OPRM1: variants seen among roughly 807,000 people sequenced by gnomAD.
OPRM1 encodes opioid receptor mu 1, also known as mu-type opioid receptor.
OPRM1 carries 27 observed loss-of-function variants against 31.8 expected under a neutral mutation model. The ratio of observed to expected loss-of-function variants is 0.85; its 90% CI spans 0.63 to 1.17. OPRM1 has a LOEUF of 1.17. Ranked by LOEUF, OPRM1 falls within the 50% of genes most tolerant of loss-of-function variation. The pLI is 0.00. For synonymous variants in OPRM1, 196 were observed against 189.9 expected (o/e 1.03, Z -0.26); for missense variants, 536 against 511.1 (o/e 1.05, Z -0.47).
chr6:154,101,291 G>T (rs947728840), intron 3 of OPRM1, among the ~76,000 whole-genome samples: 2 of 151,946 alleles, frequency 1.3e-5, no homozygotes, highest in African/African-American at 4.8e-5. Context: ...ATTAGCTAAG[G>T]TGTTCTTATA....
intron 1 of OPRM1, among the ~76,000 whole-genome samples, chr6:154,075,405 T>G (rs1787652809): frequency 6.6e-6 from 1 of 152,028 alleles, no homozygotes; most frequent in African/African-American, 2.4e-5. Flanking sequence ...TTGTACCCTT[T>G]TCATAGAGAT....
chr6:154,184,689 A>G (rs2128572821), intron 3 of OPRM1, among the ~76,000 whole-genome samples: 1 of 152,140 alleles, frequency 6.6e-6, no homozygotes, highest in African/African-American at 2.4e-5. Flanking sequence ...TTTTTTTCGA[A>G]TGAATGAATG....
intron 3 of OPRM1, among the ~76,000 whole-genome samples, chr6:154,153,869 G>A (rs894199029): frequency 6.6e-6 from 1 of 152,146 alleles, no homozygotes; most frequent in African/African-American, 2.4e-5. Flanking sequence ...AACCTTCCTC[G>A]AACTGTGAGT....
At chr6:154,237,938 G>T (rs1780268540) in intron 3 of OPRM1, among the ~76,000 whole-genome samples, 1 of 152,062 alleles carries the variant, frequency 6.6e-6, no homozygotes, top group African/African-American at 2.4e-5. Flanking sequence ...AAGTTAGTGT[G>T]TGTGCACTTA....
At chr6:154,235,210 G>C (rs1456822729) in intron 3 of OPRM1, among the ~76,000 whole-genome samples, 1 of 152,134 alleles carries the variant, frequency 6.6e-6, no homozygotes, top group Non-Finnish European at 1.5e-5. Context: ...TTTAAAATCA[G>C]GTGCATTCTC....
intron 3 of OPRM1, among the ~76,000 whole-genome samples, chr6:154,179,903 T>C (rs1008055163): frequency 3.9e-5 from 6 of 152,164 alleles, no homozygotes; most frequent in African/African-American, 1.4e-4. Flanking sequence ...TGAGTTCATC[T>C]GGGATTGTGC....
chr6:154,172,895 C>T (rs532580613), intron 3 of OPRM1, among the ~76,000 whole-genome samples: 1 of 152,358 alleles, frequency 6.6e-6, no homozygotes, highest in South Asian at 2.1e-4. Context: ...TGACTGGAGC[C>T]TCACCTCCCA....
intron 3 of OPRM1, among the ~76,000 whole-genome samples, chr6:154,114,088 C>A (rs1294633281): frequency 6.6e-6 from 1 of 152,138 alleles, no homozygotes; most frequent in Non-Finnish European, 1.5e-5. Flanking sequence ...CAGCTTAGGT[C>A]CCCAGTCATA....
At chr6:154,097,870 C>T (rs1433581944) in intron 3 of OPRM1, among the ~76,000 whole-genome samples, 1 of 152,046 alleles carries the variant, frequency 6.6e-6, no homozygotes, top group Non-Finnish European at 1.5e-5. Context: ...TGGATTGTAA[C>T]CTCTACTCTA....
rs1797442844 is a variant in OPRM1, at chr6:154,123,952, A to T, written c.*5231A>T. 6.6e-6 allele frequency among the ~76,000 whole-genome samples: 1 copy of T among 151,968 alleles called. No homozygotes were observed. The highest frequency in any genetic ancestry group is 1.5e-5 in the Non-Finnish European group (1 of 67,996). ...TGCCAACCTCCTATCTCTTCCTGTGACTTGGAATGCCTAACCTCCTGGGAA... is the reference window on the plus strand; with the variant it reads ...TGCCAACCTCCTATCTCTTCCTGTGTCTTGGAATGCCTAACCTCCTGGGAA... On this transcript the variant is annotated 3_prime_UTR_variant, in exon 4 of 4. Transcript: ENST00000330432.
intron 3 of OPRM1, among the ~76,000 whole-genome samples, chr6:154,139,887 C>G (rs545249785): frequency 2.6e-5 from 4 of 152,246 alleles, no homozygotes; most frequent in Middle Eastern, 3.4e-3. Context: ...AAAAAAGAAG[C>G]GTTCATTCCC....
intron 3 of OPRM1, among the ~76,000 whole-genome samples, chr6:154,092,923 GT>G (rs1792611767): frequency 6.6e-6 from 1 of 152,168 alleles, no homozygotes; most frequent in African/African-American, 2.4e-5. Context: ...GAAAGAAATG[GT>G]TTTGACTCTG....
intron 3 of OPRM1, among the ~76,000 whole-genome samples, chr6:154,097,279 G>A (rs3798683): frequency 0.15 from 23,302 of 152,064 alleles, 2,439 homozygotes; most frequent in East Asian, 0.39. Context: ...TCAAAATAGC[G>A]GGTCAAGAAG....
At chr6:154,048,069 A>G (rs1172633844) in intron 1 of OPRM1, among the ~76,000 whole-genome samples, 2 of 152,202 alleles carry the variant, frequency 1.3e-5, no homozygotes, top group Admixed American at 1.3e-4. Context: ...CCACCTCCAA[A>G]TACCATCACA....
chr6:154,225,464 T>C (rs1481450311), intron 3 of OPRM1, among the ~76,000 whole-genome samples: 1 of 152,220 alleles, frequency 6.6e-6, no homozygotes, highest in African/African-American at 2.4e-5. Context: ...TTGAAAACCT[T>C]GTGTTAAGTG....
At chr6:154,138,363 T>G (rs948267487) in intron 3 of OPRM1, among the ~76,000 whole-genome samples, 1 of 152,218 alleles carries the variant, frequency 6.6e-6, no homozygotes, top group Non-Finnish European at 1.5e-5. Flanking sequence ...GCCTGATTGC[T>G]TTAAAATAAA....
intron 1 of OPRM1, among the ~76,000 whole-genome samples, chr6:154,023,402 G>C (rs1334058089): frequency 2.0e-5 from 3 of 152,034 alleles, no homozygotes; most frequent in Non-Finnish European, 4.4e-5. Flanking sequence ...TGTTGATTTT[G>C]TATCATGAAA....
Position 154,120,341 on chromosome 6 carries a change from T to C in OPRM1, c.*1620T>C, listed in dbSNP as rs1183681140. ...TTACTCTCAGATCTATTGGCTATAG[T>C]TATGTGGACTCAACCCACGTATCCA... On this transcript the variant is annotated 3_prime_UTR_variant, in exon 4 of 4. Coordinates refer to ENST00000330432, the MANE Select transcript of OPRM1 (RefSeq NM_000914.5). Among the ~76,000 whole-genome samples, 1 of 152,180 alleles carries C rather than the reference T, an allele frequency of 6.6e-6. No homozygotes were observed. The highest frequency in any genetic ancestry group is 1.5e-5 in the Non-Finnish European group (1 of 68,008).
At chr6:154,024,449 C>T (rs1778567991) in intron 1 of OPRM1, among the ~76,000 whole-genome samples, 1 of 151,696 alleles carries the variant, frequency 6.6e-6, no homozygotes, top group Non-Finnish European at 1.5e-5. Context: ...GTTAGTCTGG[C>T]TAAAGGTTTG....
Sources: allele counts gnomAD v4.1 joint callset (sites outside exome capture counted in the v4.1 genomes callset), GRCh38; gene constraint gnomAD v4.1.1; transcripts MANE v1.5; gene names NCBI Gene and HGNC (gene_info 2026-07-23, HGNC 2026-07-21).